The following XKR6 variants were observed in gnomAD, a reference collection of about 807,000 sequenced individuals.
XKR6 encodes XK related 6, also known as XK-related protein 6.
Under a neutral mutation model 56.7 loss-of-function variants are expected in XKR6, and 22 were observed. The observed-to-expected ratio is 0.39, with a 90% CI of 0.28 to 0.55. The LOEUF (loss-of-function observed/expected upper bound fraction) is 0.55. XKR6 is among the 20% of genes least tolerant of loss of function. The probability of loss-of-function intolerance (pLI) is 0.66; values close to 1 mark genes in which losing one functional copy is unlikely to be tolerated. For synonymous variants in XKR6, 524 were observed against 387.8 expected (o/e 1.35, Z -4.13); for missense variants, 852 against 889.0 (o/e 0.96, Z 0.53).
At chr8:10,994,262 C>T (rs978421053) in intron 1 of XKR6, among the ~76,000 whole-genome samples, 2 of 152,256 alleles carry the variant, frequency 1.3e-5, no homozygotes, top group Non-Finnish European at 2.9e-5. Flanking sequence ...CAGACCCTCT[C>T]ATTTTGAGTT....
chr8:10,962,507 C>T (rs11995188), intron 1 of XKR6, among the ~76,000 whole-genome samples: 15,606 of 152,092 alleles, frequency 0.1, 1,645 homozygotes, highest in African/African-American at 0.28. Context: ...TGTTTATTTA[C>T]GATGTCTTAC....
intron 1 of XKR6, chr8:11,124,891 T>A (rs1400832916): frequency 1.3e-5 from 2 of 150,674 alleles, no homozygotes; most frequent in African/African-American, 2.4e-5. Flanking sequence ...GAGACCATCC[T>A]GGCTAACACG....
intron 1 of XKR6, among the ~76,000 whole-genome samples, chr8:11,091,072 C>G (rs1020102479): frequency 6.6e-6 from 1 of 152,138 alleles, no homozygotes; most frequent in Non-Finnish European, 1.5e-5. Context: ...GAAAGCATGT[C>G]TGTACCAGCA....
At chr8:11,045,220 G>C (rs28556308) in intron 1 of XKR6, among the ~76,000 whole-genome samples, 21,858 of 150,528 alleles carry the variant, frequency 0.15, 2,317 homozygotes, top group African/African-American at 0.3. Context: ...TGAGTAGCTA[G>C]AGACTACAGG....
At chr8:11,101,086 A>C (rs1172297144) in intron 1 of XKR6, among the ~76,000 whole-genome samples, 1 of 152,226 alleles carries the variant, frequency 6.6e-6, no homozygotes, top group Non-Finnish European at 1.5e-5. Flanking sequence ...GCACACACAC[A>C]ATGCTCACGG....
At chr8:11,019,962 G>T (rs1052177999) in intron 1 of XKR6, among the ~76,000 whole-genome samples, 1 of 152,142 alleles carries the variant, frequency 6.6e-6, no homozygotes, top group African/African-American at 2.4e-5. Context: ...AACCGCCACT[G>T]ATAATCCACT....
chr8:10,928,727 G>A (rs572979489), intron 1 of XKR6, among the ~76,000 whole-genome samples: 6 of 152,180 alleles, frequency 3.9e-5, no homozygotes, highest in African/African-American at 9.7e-5. Context: ...GCGCTCCGAG[G>A]GGGGAACCAA....
At chr8:11,155,318 G>C (rs1171049182) in intron 1 of XKR6, among the ~76,000 whole-genome samples, 4 of 152,172 alleles carry the variant, frequency 2.6e-5, no homozygotes, top group Non-Finnish European at 4.4e-5. Context: ...TTCCATACTG[G>C]TAGTCTGATA....
At chr8:11,148,945 G>GT (rs750890989) in intron 1 of XKR6, among the ~76,000 whole-genome samples, 4 of 152,172 alleles carry the variant, frequency 2.6e-5, no homozygotes, top group African/African-American at 9.6e-5. Context: ...TTCCATCAAC[G>GT]TAAGATTCCA....
At chr8:11,054,965 T>C (rs1799643853) in intron 1 of XKR6, among the ~76,000 whole-genome samples, 1 of 152,100 alleles carries the variant, frequency 6.6e-6, no homozygotes, top group African/African-American at 2.4e-5. Flanking sequence ...TCCTGTCTTC[T>C]CTGCAGGAGG....
intron 1 of XKR6, among the ~76,000 whole-genome samples, chr8:11,001,520 T>G (rs1037879118): frequency 6.6e-6 from 1 of 152,142 alleles, no homozygotes; most frequent in Admixed American, 6.5e-5. Flanking sequence ...GTCTAACATG[T>G]AAAGAAAAAC....
chr8:11,172,789 G>C (rs958457742), intron 1 of XKR6, among the ~76,000 whole-genome samples: 2 of 152,098 alleles, frequency 1.3e-5, no homozygotes, highest in Non-Finnish European at 2.9e-5. Flanking sequence ...CAGGAGCAAA[G>C]GCCAGAAAGC....
chr8:11,095,582 T>C (rs10108618), intron 1 of XKR6, among the ~76,000 whole-genome samples: 83,279 of 152,058 alleles, frequency 0.55, 25,485 homozygotes, highest in African/African-American at 0.8. Context: ...ATTCTCCTAG[T>C]GAACAGATGT....
intron 1 of XKR6, among the ~76,000 whole-genome samples, chr8:11,112,705 G>C (rs932189573): frequency 3.3e-5 from 5 of 152,170 alleles, no homozygotes; most frequent in African/African-American, 1.2e-4. Flanking sequence ...GGCGAAGCTG[G>C]CCTGGGGAAG....
At chr8:10,937,642 C>T (rs1801246054) in intron 1 of XKR6, among the ~76,000 whole-genome samples, 1 of 149,896 alleles carries the variant, frequency 6.7e-6, no homozygotes, top group Non-Finnish European at 1.5e-5. Context: ...AGCTGCAGGT[C>T]TGTTGGAATA....
At chr8:11,086,148 ATTTT>A (rs372566415) in intron 1 of XKR6, among the ~76,000 whole-genome samples, 1 of 120,722 alleles carries the variant, frequency 8.3e-6, no homozygotes, top group African/African-American at 3.9e-5. Context: ...ATATATATAT[ATTTT>A]TTTTTAAAAA....
At chr8:11,124,608 G>A (rs901642555) in intron 1 of XKR6, 49 of 153,078 alleles carry the variant, frequency 3.2e-4, no homozygotes, top group Middle Eastern at 3.4e-3. Context: ...TGGTTGAGGC[G>A]AACAGAAATT....
chr8:11,134,288 T>A (rs1333393404), intron 1 of XKR6, among the ~76,000 whole-genome samples: 2 of 152,200 alleles, frequency 1.3e-5, no homozygotes, highest in African/African-American at 4.8e-5. Flanking sequence ...TTCCATACCC[T>A]ATCCCAATGC....
rs1206705801 is a variant in XKR6, at chr8:10,897,868, GGGAA to G, written c.*80_*83del. On this transcript the variant is annotated 3_prime_UTR_variant, in exon 3 of 3. Transcript: ENST00000416569. ...TGGTGGCGGTGGTTCTGTGTATTGG[GGGAA>G]GGGAGGGTTATATTTCTTGCAAGTG... 2 of 1,495,988 alleles carry G rather than the reference GGGAA, an allele frequency of 1.3e-6. No homozygotes were observed. Among genetic ancestry groups the G allele is most frequent in the African/African-American group, 2.8e-5 (2 of 71,336 alleles). The allele number at this position is 1,495,988 out of a possible 1,614,324, so 92.7% of individuals were successfully genotyped here.
Sources: gnomAD v4.1 joint callset for allele counts (sites outside exome capture counted in the v4.1 genomes callset) on GRCh38, gnomAD v4.1.1 for gene constraint, MANE v1.5 for transcripts, NCBI Gene and HGNC (gene_info 2026-07-23, HGNC 2026-07-21) for gene names.